The following CDK14 variants were observed in gnomAD, a reference collection of about 807,000 sequenced individuals.
CDK14 encodes cyclin-dependent kinase 14.
CDK14 carries 34 observed loss-of-function variants against 60.7 expected under a neutral mutation model. The ratio of observed to expected loss-of-function variants is 0.56; its 90% CI spans 0.43 to 0.75. The LOEUF (loss-of-function observed/expected upper bound fraction) is 0.75, where lower values mean the gene tolerates loss of function less well. Ranked by LOEUF, CDK14 falls within the 30% of genes least tolerant of loss-of-function variation. The probability of loss-of-function intolerance (pLI) is 0.00; values close to 1 mark genes in which losing one functional copy is unlikely to be tolerated. For missense variants in CDK14, 482 were observed against 564.1 expected (o/e 0.85, Z 1.47); for synonymous variants, 197 against 203.7 (o/e 0.97, Z 0.28).
chr7:90,852,737 A>G (rs1790689792), intron 5 of CDK14, among the ~76,000 whole-genome samples: 1 of 152,208 alleles, frequency 6.6e-6, no homozygotes, highest in South Asian at 2.1e-4. Context: ...TCAGTGTATT[A>G]GTGACATTCA....
rs149026248 is a variant in CDK14 at position 90,920,139 on chromosome 7, G to A, written c.826+2415G>A. Among the ~76,000 whole-genome samples, 3 of 152,326 alleles carry A rather than the reference G, an allele frequency of 2.0e-5. No homozygotes were observed. In the East Asian group the frequency reaches 5.8e-4, roughly 29 times the overall value. On this transcript the variant is annotated intron_variant, in intron 8 of 14. Coordinates refer to ENST00000380050, the MANE Select transcript of CDK14 (RefSeq NM_001287135.2). ...TGTGTTTGGGCATGTTTGTGTGTCT[G>A]AGATGAAGGAAACACACTGAAAACT...
intron 12 of CDK14, among the ~76,000 whole-genome samples, chr7:91,094,145 C>T (rs1353698027): frequency 6.6e-6 from 1 of 152,040 alleles, no homozygotes; most frequent in Non-Finnish European, 1.5e-5. Context: ...ATGTAACAAA[C>T]CTGCACGTGT....
chr7:90,793,079 G>A (rs138662332), intron 5 of CDK14, among the ~76,000 whole-genome samples: 13 of 151,760 alleles, frequency 8.6e-5, no homozygotes, highest in African/African-American at 2.9e-4. Flanking sequence ...TTATTGGAAT[G>A]TGAAAATTTC....
chr7:90,903,393 T>G (rs1050319310), intron 7 of CDK14, among the ~76,000 whole-genome samples: 19 of 152,262 alleles, frequency 1.2e-4, no homozygotes, highest in Middle Eastern at 3.4e-3. Context: ...TAAAAATGAA[T>G]GAAATCCTGT....
chr7:90,739,051 A>G (rs1030087565), intron 3 of CDK14, among the ~76,000 whole-genome samples: 10 of 152,164 alleles, frequency 6.6e-5, no homozygotes, highest in Non-Finnish European at 1.2e-4. Flanking sequence ...TCTAACTCTC[A>G]AAGCGGAGAC....
At chr7:91,018,804 G>T (rs751948560) in intron 10 of CDK14, among the ~76,000 whole-genome samples, 3 of 152,150 alleles carry the variant, frequency 2.0e-5, no homozygotes, top group Non-Finnish European at 2.9e-5. Context: ...AATTTTCTGA[G>T]GTCTCCCCAG....
intron 5 of CDK14, among the ~76,000 whole-genome samples, chr7:90,812,795 C>T (rs147039939): frequency 1.1e-4 from 16 of 152,086 alleles, no homozygotes; most frequent in African/African-American, 3.9e-4. Context: ...ATAATGGAAC[C>T]CTTAAACATA....
At chr7:90,946,554 C>G (rs1040626136) in intron 8 of CDK14, among the ~76,000 whole-genome samples, 2 of 152,006 alleles carry the variant, frequency 1.3e-5, no homozygotes, top group Non-Finnish European at 2.9e-5. Context: ...TGAATTTGCT[C>G]AATAATCGCC....
intron 12 of CDK14, among the ~76,000 whole-genome samples, chr7:91,084,554 C>G (rs1191711454): frequency 6.6e-6 from 1 of 152,252 alleles, no homozygotes; most frequent in East Asian, 1.9e-4. Flanking sequence ...CCACTGCCCC[C>G]AAGAGGTTAA....
intron 2 of CDK14, among the ~76,000 whole-genome samples, chr7:90,623,056 G>C (rs959768515): frequency 6.7e-6 from 1 of 149,936 alleles, no homozygotes; most frequent in African/African-American, 2.4e-5. Flanking sequence ...CCATTTGTCA[G>C]CTCACTGGCT....
At chr7:90,626,222 C>A (rs1220700887) in intron 2 of CDK14, among the ~76,000 whole-genome samples, 1 of 152,146 alleles carries the variant, frequency 6.6e-6, no homozygotes, top group Admixed American at 6.6e-5. Flanking sequence ...ATCTTTTCCA[C>A]CCCTACATTC....
At chr7:90,932,988 C>G (rs1409200659) in intron 8 of CDK14, among the ~76,000 whole-genome samples, 1 of 152,136 alleles carries the variant, frequency 6.6e-6, no homozygotes, top group East Asian at 1.9e-4. Flanking sequence ...TTGTTGGTAT[C>G]AAAAGTACTG....
Position 90,917,594 on chromosome 7 carries a change from T to TTTTCAGTTGTTTTTA in CDK14, c.706_720dup. 6.2e-7 allele frequency: 1 copy of TTTTCAGTTGTTTTTA among 1,611,072 alleles called. No individual in the cohort carries two copies. ...CTGATTTTAACCTTTGTCTCCTTAT[T>TTTTCAGTTGTTTTTA]TTTCAGTTGTTTTTATTTCAGTTGC... On this transcript the variant is annotated splice_region_variant and splice_polypyrimidine_tract_variant and intron_variant, in intron 7 of 14. Coordinates refer to ENST00000380050, the MANE Select transcript of CDK14 (RefSeq NM_001287135.2).
chr7:91,202,175 G>A (rs1802750177), intron 14 of CDK14, among the ~76,000 whole-genome samples: 1 of 152,136 alleles, frequency 6.6e-6, no homozygotes. Flanking sequence ...AAAATATCTA[G>A]TTCATAGGGC....
At chr7:90,656,875 G>A (rs1486177770) in intron 2 of CDK14, among the ~76,000 whole-genome samples, 2 of 152,034 alleles carry the variant, frequency 1.3e-5, no homozygotes, top group East Asian at 1.9e-4. Flanking sequence ...TGAAAAACAG[G>A]CACAACTAAC....
At chr7:91,067,304 G>C (rs921569484) in intron 11 of CDK14, among the ~76,000 whole-genome samples, 1 of 152,102 alleles carries the variant, frequency 6.6e-6, no homozygotes, top group Admixed American at 6.6e-5. Context: ...TGTCATGTTC[G>C]TGGCAGAAAA....
rs189898802 is a variant in CDK14, at chr7:90,802,561, C to T, written c.544+11909C>T. Among the ~76,000 whole-genome samples, 24 of 152,218 alleles carry T rather than the reference C, an allele frequency of 1.6e-4. No individual in the cohort carries two copies. The East Asian group carries it at 4.6e-3, about 29-fold the overall frequency. ...GTGGTCCAGGGCCTGGTTTCTGAAG[C>T]CTGACTGCCTGGATTGCAGTTTGGA... On this transcript the variant is annotated intron_variant, in intron 5 of 14. Coordinates refer to ENST00000380050, the MANE Select transcript of CDK14 (RefSeq NM_001287135.2).
intron 10 of CDK14, among the ~76,000 whole-genome samples, chr7:90,999,100 T>C (rs1795770615): frequency 6.6e-6 from 1 of 152,044 alleles, no homozygotes; most frequent in South Asian, 2.1e-4. Flanking sequence ...GGAGTTTATC[T>C]AGTTCTAATT....
At chr7:90,618,540 T>C (rs1799699078) in intron 2 of CDK14, among the ~76,000 whole-genome samples, 1 of 152,310 alleles carries the variant, frequency 6.6e-6, no homozygotes, top group East Asian at 1.9e-4. Context: ...AATGAACTTT[T>C]GGTTGCTTTT....
Sources: allele counts gnomAD v4.1 joint callset (sites outside exome capture counted in the v4.1 genomes callset), GRCh38; gene constraint gnomAD v4.1.1; transcripts MANE v1.5; gene names NCBI Gene and HGNC (gene_info 2026-07-23, HGNC 2026-07-21).